Variants in CCDC138 observed in about 807,000 individuals in gnomAD.
CCDC138 encodes coiled-coil domain containing 138.
In CCDC138, 66 loss-of-function variants were observed where a neutral mutation model predicts 82.3. The observed-to-expected ratio is 0.80, with a 90% confidence interval of 0.66 to 0.98. The LOEUF is 0.98. Among genes scored for constraint, CCDC138 ranks in the 50% least tolerant of loss-of-function variants. CCDC138 has a pLI of 0.00. For missense variants in CCDC138, 816 were observed against 758.9 expected (o/e 1.08, Z -0.88); for synonymous variants, 297 against 265.4 (o/e 1.12, Z -1.16).
chr2:108,819,063 C>T (rs1395011957), intron 10 of CCDC138, among the ~76,000 whole-genome samples: 1 of 152,138 alleles, frequency 6.6e-6, no homozygotes. Context: ...TAAAATTTGG[C>T]TATAAGACTA....
intron 10 of CCDC138, among the ~76,000 whole-genome samples, chr2:108,837,374 G>C (rs1414855339): frequency 6.6e-6 from 1 of 152,170 alleles, no homozygotes; most frequent in African/African-American, 2.4e-5. Context: ...TGCATTGCAA[G>C]AATTAATCTC....
intron 7 of CCDC138, among the ~76,000 whole-genome samples, chr2:108,807,931 G>A (rs989494896): frequency 2.0e-5 from 3 of 152,114 alleles, no homozygotes; most frequent in Non-Finnish European, 2.9e-5. Flanking sequence ...TTCTAATTTT[G>A]TGTTTGTTAG....
intron 11 of CCDC138, among the ~76,000 whole-genome samples, chr2:108,844,208 C>T (rs1042279535): frequency 1.2e-4 from 18 of 152,004 alleles, no homozygotes; most frequent in African/African-American, 4.3e-4. Context: ...TTCCTGGACT[C>T]TAATGACGTG....
intron 7 of CCDC138, 59 bp downstream of exon 7, chr2:108,805,067 A>G (rs1258116826): frequency 1.0e-6 from 1 of 959,856 alleles, no homozygotes; most frequent in Non-Finnish European, 1.4e-6. Flanking sequence ...TATTTTATAT[A>G]TAACAAATTA....
chr2:108,811,132 CT>C (rs1280784290), intron 7 of CCDC138, among the ~76,000 whole-genome samples: 1 of 149,566 alleles, frequency 6.7e-6, no homozygotes, highest in Non-Finnish European at 1.5e-5. Flanking sequence ...TCCTTCTTCC[CT>C]TCTTCCCCTC....
rs70956282 is a variant in CCDC138 at position 108,860,935 on chromosome 2, C to CTTTTTT, written c.1693+3983_1693+3988dup. Among the ~76,000 whole-genome samples the CTTTTTT allele has an allele frequency of 2.2e-3, 85 of 37,924 alleles. 28 individuals are homozygous for CTTTTTT. The Admixed American group carries it at 0.024, about 11-fold the overall frequency. The allele number at this position is 37,924 out of a possible 152,430, so 24.9% of individuals were successfully genotyped here. A position where few individuals can be genotyped will look rare whatever the true frequency, so the allele number is the denominator to read the frequency against. On this transcript the variant is annotated intron_variant, in intron 13 of 14. Transcript: ENST00000295124. ...GGCTGTGAATCCATCTGGTCCAGGA[C>CTTTTTT]TTTTTTTTTTTTTTTTTTTTTTTGG...
chr2:108,808,514 CCAA>C (rs1574001941), intron 7 of CCDC138, among the ~76,000 whole-genome samples: 1 of 152,248 alleles, frequency 6.6e-6, no homozygotes, highest in East Asian at 1.9e-4. Flanking sequence ...CACATCCTCA[CCAA>C]CGTTTATTAC....
intron 14 of CCDC138, 138 bp from the exon 15 acceptor site, chr2:108,875,948 CTT>C: frequency 1.7e-6 from 1 of 577,518 alleles, no homozygotes. Flanking sequence ...GCATTCTAAT[CTT>C]TTAGTTGCCT....
At chr2:108,880,724 C>T (rs1377669195), downstream of CCDC138, among the ~76,000 whole-genome samples, 1 of 152,114 alleles carries the variant, frequency 6.6e-6, no homozygotes, top group East Asian at 1.9e-4. Flanking sequence ...ATACTTTAAG[C>T]CTGCTGTTGA....
At position 108,815,515 on chromosome 2, in the gene CCDC138, G is replaced by A. The variant is rs1272657762; in HGVS notation, c.1042-426G>A. On this transcript the variant is annotated intron_variant, in intron 9 of 14. Transcript: ENST00000295124. ...GGAGTCTTGCTCTTTTGCCCAGATT[G>A]GTGTGCAGTGGTGCGATCTCGGCTC... Among the ~76,000 whole-genome samples the A allele has an allele frequency of 4.6e-5, 5 of 108,558 alleles. No homozygotes were observed. In the East Asian group the frequency reaches 1.7e-3, roughly 36 times the overall value. The allele number at this position is 108,558 out of a possible 152,430, so 71.2% of individuals were successfully genotyped here. A position where few individuals can be genotyped will look rare whatever the true frequency, so the allele number is the denominator to read the frequency against.
chr2:108,835,113 A>G (rs1481743137), intron 10 of CCDC138, among the ~76,000 whole-genome samples: 1 of 152,212 alleles, frequency 6.6e-6, no homozygotes, highest in Non-Finnish European at 1.5e-5. Context: ...TGGAGATCTC[A>G]TCTCTTTTTA....
chr2:108,849,620 A>G (rs1236327233), intron 12 of CCDC138, among the ~76,000 whole-genome samples: 1 of 152,174 alleles, frequency 6.6e-6, no homozygotes, highest in African/African-American at 2.4e-5. Flanking sequence ...CCTGCCTAAC[A>G]GATACCCTTT....
intron 12 of CCDC138, among the ~76,000 whole-genome samples, chr2:108,850,514 C>T (rs1346293993): frequency 2.0e-5 from 3 of 152,010 alleles, no homozygotes; most frequent in Non-Finnish European, 2.9e-5. Context: ...TGCAGTGGCA[C>T]GATCTTGGCT....
intron 10 of CCDC138, among the ~76,000 whole-genome samples, chr2:108,828,357 T>C (rs1478660588): frequency 6.6e-6 from 1 of 152,126 alleles, no homozygotes; most frequent in East Asian, 1.9e-4. Context: ...ATACTACTTA[T>C]CCTAAAATTG....
At chr2:108,789,051 C>G in intron 3 of CCDC138, 85 bp downstream of exon 3, 1 of 1,466,342 alleles carries the variant, frequency 6.8e-7, no homozygotes, top group Non-Finnish European at 9.4e-7. Context: ...TATATTTTTG[C>G]TCTTTCCTGA....
chr2:108,793,242 G>A (rs888598713), intron 4 of CCDC138, among the ~76,000 whole-genome samples: 2 of 151,248 alleles, frequency 1.3e-5, no homozygotes, highest in African/African-American at 2.4e-5. Flanking sequence ...GCTGGCCCCT[G>A]TAGTCCCAGC....
In CCDC138 at chr2:108,791,658, C is replaced by G. The variant is rs368525211; in HGVS notation, c.267-17C>G. ...AGTAAACTTCTAGATTGCTGTGATA[C>G]AATTATTTTTTTAAAGCCTAGATGA... is the stretch of plus-strand genomic sequence containing the variant. On this transcript the variant is annotated splice_polypyrimidine_tract_variant and intron_variant, in intron 3 of 14. Transcript: ENST00000295124. The G allele has an allele frequency of 6.3e-7, 1 of 1,599,792 alleles. No individual in the cohort carries two copies. The highest frequency in any genetic ancestry group is 1.3e-5 in the African/African-American group (1 of 74,182).
intron 12 of CCDC138, among the ~76,000 whole-genome samples, chr2:108,856,309 G>A (rs375027641): frequency 7.8e-6 from 1 of 128,132 alleles, no homozygotes; most frequent in African/African-American, 2.9e-5. Context: ...AAATTATCTT[G>A]TTTCAGCTTT....
At position 108,876,179 on chromosome 2, in the gene CCDC138, A is replaced by G; in HGVS notation, c.1924A>G (p.Ile642Val). 3 of 1,613,112 alleles carry G rather than the reference A, an allele frequency of 1.9e-6. No individual in the cohort carries two copies. The highest frequency in any genetic ancestry group is 1.7e-4 in the Middle Eastern group (1 of 6,054). The change falls in exon 15 of 15, where the codon ATT (isoleucine) becomes GTT (valine). Residue 642 changes from isoleucine to valine, a missense_variant. Physicochemically the swap from Ile to Val is conservative, Grantham distance 29 (BLOSUM62 3). Coordinates refer to ENST00000295124, the MANE Select transcript of CCDC138 (RefSeq NM_144978.3). ...TTNPEHAFLCINLNSTLFNLG... is the reference protein window; with the variant it reads ...TTNPEHAFLCVNLNSTLFNLG... ...AAACCCAGAGCATGCATTTCTCTGT[A>G]TTAATCTAAATTCAACTCTGTTCAA...
Sources: allele counts gnomAD v4.1 joint callset (sites outside exome capture counted in the v4.1 genomes callset), GRCh38; gene constraint gnomAD v4.1.1; transcripts MANE v1.5; gene names NCBI Gene and HGNC (gene_info 2026-07-23, HGNC 2026-07-21).